Variants in UNC79 observed in about 807,000 individuals in gnomAD.
The protein encoded by UNC79 is unc-79 subunit of NALCN channel complex.
Under a neutral mutation model 283.1 loss-of-function variants are expected in UNC79, and 37 were observed. The ratio of observed to expected loss-of-function variants is 0.13; its 90% confidence interval spans 0.10 to 0.17. The LOEUF (loss-of-function observed/expected upper bound fraction) is 0.17. Among genes scored for constraint, UNC79 ranks in the 10% least tolerant of loss-of-function variants. The probability of loss-of-function intolerance (pLI) is 1.00; values close to 1 mark genes in which losing one functional copy is unlikely to be tolerated. For synonymous variants in UNC79, 1,107 were observed against 1,200.2 expected (o/e 0.92, Z 1.61); for missense variants, 2,272 against 3,211.1 (o/e 0.71, Z 7.07).
chr14:93,433,457 T>A (rs2055956837), intron 1 of UNC79, among the ~76,000 whole-genome samples: 1 of 152,216 alleles, frequency 6.6e-6, no homozygotes, highest in South Asian at 2.1e-4. Flanking sequence ...AAATACTTTT[T>A]ATAAAAAGAA....
intron 1 of UNC79, among the ~76,000 whole-genome samples, chr14:93,387,140 A>G (rs1245813840): frequency 6.6e-6 from 1 of 151,710 alleles, no homozygotes; most frequent in Non-Finnish European, 1.5e-5. Flanking sequence ...ACGGGGTTTC[A>G]CCATGTTAGT....
At chr14:93,624,575 C>A (rs568344837) in intron 30 of UNC79, among the ~76,000 whole-genome samples, 1 of 152,250 alleles carries the variant, frequency 6.6e-6, no homozygotes, top group African/African-American at 2.4e-5. Flanking sequence ...CTTTATTCAC[C>A]CTTATGTTTG....
At chr14:93,568,735 A>C (rs2063047931) in intron 14 of UNC79, among the ~76,000 whole-genome samples, 1 of 152,204 alleles carries the variant, frequency 6.6e-6, no homozygotes, top group South Asian at 2.1e-4. Context: ...TTACTAGTTT[A>C]TATAAGAGCT....
chr14:93,487,419 T>C (rs1407818444), intron 4 of UNC79, among the ~76,000 whole-genome samples: 1 of 152,196 alleles, frequency 6.6e-6, no homozygotes, highest in Non-Finnish European at 1.5e-5. Context: ...GATAAAGCCA[T>C]TACATCACTT....
At chr14:93,572,058 G>A in exon 15 of UNC79, 3 of 1,614,078 alleles carry the variant, frequency 1.9e-6, no homozygotes, top group South Asian at 1.1e-5. Context: ...CAGATAATCA[G>A]TTAAAAGAAT....
At chr14:93,399,649 G>A (rs774224538) in intron 1 of UNC79, among the ~76,000 whole-genome samples, 3 of 152,118 alleles carry the variant, frequency 2.0e-5, no homozygotes, top group Non-Finnish European at 2.9e-5. Flanking sequence ...ACCTTTGGAG[G>A]TTGCCATCAA....
intron 1 of UNC79, among the ~76,000 whole-genome samples, chr14:93,402,711 C>T (rs1461846302): frequency 1.3e-5 from 2 of 151,970 alleles, no homozygotes; most frequent in African/African-American, 2.4e-5. Flanking sequence ...ATATTAATAT[C>T]AAATAGAAGT....
In UNC79 at chr14:93,371,961, G is replaced by T. The variant is rs140523662; in HGVS notation, c.-351+38438G>T. 1.3e-5 allele frequency among the ~76,000 whole-genome samples: 2 copies of T among 152,082 alleles called. 1 individual carries two copies. Among genetic ancestry groups the T allele is most frequent in the African/African-American group, 4.8e-5 (2 of 41,408 alleles). ...CCTATAACCTCGAATCCCATAACCCGCAAAGTTATCTTCAAAGGTTAAGAA... is the reference window on the plus strand; with the variant it reads ...CCTATAACCTCGAATCCCATAACCCTCAAAGTTATCTTCAAAGGTTAAGAA... On this transcript the variant is annotated intron_variant, in intron 1 of 49. Transcript: ENST00000256339.
chr14:93,557,288 C>A (rs2062229983), intron 14 of UNC79, among the ~76,000 whole-genome samples: 1 of 152,162 alleles, frequency 6.6e-6, no homozygotes, highest in African/African-American at 2.4e-5. Context: ...TCTGGACTTT[C>A]TGCTGTTGTG....
At chr14:93,376,408 GT>G (rs1186230938) in intron 1 of UNC79, among the ~76,000 whole-genome samples, 1 of 152,032 alleles carries the variant, frequency 6.6e-6, no homozygotes, top group Non-Finnish European at 1.5e-5. Flanking sequence ...GCGTTCCAGG[GT>G]AGAATAGAAC....
chr14:93,486,870 T>A (rs1170567391), intron 4 of UNC79, among the ~76,000 whole-genome samples: 1 of 152,126 alleles, frequency 6.6e-6, no homozygotes, highest in Admixed American at 6.5e-5. Context: ...GTGGAGACCA[T>A]GATTATACAG....
exon 30 of UNC79, chr14:93,622,458 C>T (rs779734017): frequency 5.6e-6 from 9 of 1,614,012 alleles, no homozygotes; most frequent in East Asian, 4.5e-5. Context: ...AGCCCACTGA[C>T]GCTGAAGCAA....
At chr14:93,604,958 C>G in intron 26 of UNC79, 1 of 1,575,016 alleles carries the variant, frequency 6.3e-7, no homozygotes, top group Non-Finnish European at 8.6e-7. Flanking sequence ...CGAACAGACG[C>G]CAGGTGGGTA....
chr14:93,637,065 C>G (rs930964400), intron 31 of UNC79, 151 bp from the exon 35 acceptor site: 5 of 670,778 alleles, frequency 7.5e-6, no homozygotes, highest in Non-Finnish European at 1.3e-5. Context: ...TAACCCTACC[C>G]TAAAATCTAG....
intron 4 of UNC79, among the ~76,000 whole-genome samples, chr14:93,482,214 G>GGT (rs1566979277): frequency 6.6e-6 from 1 of 152,096 alleles, no homozygotes; most frequent in Non-Finnish European, 1.5e-5. Context: ...TATTGCTTGA[G>GGT]GTAAGAGGCC....
chr14:93,651,199 A>G (rs1318912468), intron 35 of UNC79, among the ~76,000 whole-genome samples: 1 of 152,166 alleles, frequency 6.6e-6, no homozygotes, highest in Admixed American at 6.6e-5. Context: ...GTAAGTAGTA[A>G]GTGTTAAAGT....
At chr14:93,623,162 G>A (rs1331107264) in intron 30 of UNC79, among the ~76,000 whole-genome samples, 2 of 152,200 alleles carry the variant, frequency 1.3e-5, no homozygotes, top group Non-Finnish European at 1.5e-5. Context: ...TCCTCAAACA[G>A]CAAAAGTCAT....
Position 93,540,839 on chromosome 14 carries a change from A to G in UNC79, c.1524+8A>G. 1 of 1,611,360 alleles carries G rather than the reference A, an allele frequency of 6.2e-7. No homozygotes were observed. Among genetic ancestry groups the G allele is most frequent in the South Asian group, 1.1e-5 (1 of 90,510 alleles). ...TTCGGAATATGGTTCTTAGTAAGAA[A>G]AAGAAGTTAACTATTCTCCACTTTC... is the stretch of plus-strand genomic sequence containing the variant. On this transcript the variant is annotated splice_region_variant and intron_variant, in intron 13 of 48. Coordinates refer to ENST00000555664, the Ensembl canonical transcript of UNC79.
chr14:93,522,249 A>T (rs1348715436), intron 7 of UNC79, among the ~76,000 whole-genome samples: 1 of 152,108 alleles, frequency 6.6e-6, no homozygotes, highest in African/African-American at 2.4e-5. Flanking sequence ...TTGAATATTA[A>T]TTCTTCCCAT....
Sources: gnomAD v4.1 joint callset for allele counts (sites outside exome capture counted in the v4.1 genomes callset) on GRCh38, gnomAD v4.1.1 for gene constraint, MANE v1.5 for transcripts, NCBI Gene and HGNC (gene_info 2026-07-23, HGNC 2026-07-21) for gene names.